The following CIRSR variants were observed in gnomAD, a reference collection of about 807,000 sequenced individuals.
CIRSR encodes the protein CBF1 (RBPJ) interacting corepressor 1.
the CIRSR span, among the ~76,000 whole-genome samples, chr2:174,353,537 G>A: frequency 5.9e-5 from 9 of 152,176 alleles, no homozygotes; most frequent in South Asian, 1.0e-3. Flanking sequence ...GCACGATCTC[G>A]GCTCACTGCA....
At chr2:174,349,733 C>CT in the CIRSR span, among the ~76,000 whole-genome samples, 3 of 152,040 alleles carry the variant, frequency 2.0e-5, no homozygotes, top group Non-Finnish European at 4.4e-5. Context: ...GTAATGACTA[C>CT]TTTTTTGTTA....
chr2:174,391,560 A>G, the CIRSR span, among the ~76,000 whole-genome samples: 1 of 152,182 alleles, frequency 6.6e-6, no homozygotes, highest in Non-Finnish European at 1.5e-5. Context: ...ACTGCACTCT[A>G]GCCTGGGCAA....
chr2:174,380,717 T>C, the CIRSR span: 3 of 1,612,086 alleles, frequency 1.9e-6, no homozygotes, highest in South Asian at 2.2e-5. Flanking sequence ...TTCTTCTTTC[T>C]AAAAACATTC....
the CIRSR span, among the ~76,000 whole-genome samples, chr2:174,373,053 G>A: frequency 1.3e-5 from 2 of 152,172 alleles, no homozygotes; most frequent in African/African-American, 4.8e-5. Context: ...TATAGTTTAA[G>A]CTGATGGTTC....
the CIRSR span, among the ~76,000 whole-genome samples, chr2:174,375,180 C>G: frequency 2.2e-4 from 33 of 152,168 alleles, no homozygotes. Flanking sequence ...TCTGCCTTAT[C>G]ACTTTTTTAA....
chr2:174,391,385 T>C, the CIRSR span, among the ~76,000 whole-genome samples: 1 of 151,966 alleles, frequency 6.6e-6, no homozygotes, highest in Non-Finnish European at 1.5e-5. Context: ...AAGTCAGGAG[T>C]CTGAGACCAG....
At chr2:174,362,686 C>CAAAAAAAAAA in the CIRSR span, among the ~76,000 whole-genome samples, 2 of 20,682 alleles carry the variant, frequency 9.7e-5, 1 homozygote, top group African/African-American at 2.1e-4. Context: ...GACTCTGCCT[C>CAAAAAAAAAA]AAAAAAAAAA....
chr2:174,376,932 C>T, the CIRSR span, among the ~76,000 whole-genome samples: 3 of 151,582 alleles, frequency 2.0e-5, no homozygotes, highest in Admixed American at 1.3e-4. Flanking sequence ...CTCTTAAAAA[C>T]AGGTTAACTA....
the CIRSR span, among the ~76,000 whole-genome samples, chr2:174,359,819 AT>A: frequency 1.3e-5 from 2 of 152,248 alleles, no homozygotes; most frequent in Admixed American, 6.5e-5. Flanking sequence ...GCAAATGTCC[AT>A]CAATGACAGA....
chr2:174,367,756 A>AG, the CIRSR span, among the ~76,000 whole-genome samples: 1 of 149,114 alleles, frequency 6.7e-6, no homozygotes, highest in African/African-American at 2.5e-5. Context: ...AAAAAAAAAA[A>AG]AAAAAAAAAG....
At chr2:174,357,791 A>T in the CIRSR span, among the ~76,000 whole-genome samples, 1 of 152,228 alleles carries the variant, frequency 6.6e-6, no homozygotes, top group Non-Finnish European at 1.5e-5. Context: ...AAAAAGACTT[A>T]AAAAAGGGGC....
chr2:174,369,163 A>G, the CIRSR span, among the ~76,000 whole-genome samples: 1 of 152,170 alleles, frequency 6.6e-6, no homozygotes, highest in South Asian at 2.1e-4. Flanking sequence ...TCTTAGCTAT[A>G]TTTTCTGGAG....
At chr2:174,377,184 C>A in the CIRSR span, among the ~76,000 whole-genome samples, 7 of 152,166 alleles carry the variant, frequency 4.6e-5, no homozygotes, top group South Asian at 1.5e-3. Context: ...AAGATGCAAC[C>A]CTTTCCAGAA....
the CIRSR span, among the ~76,000 whole-genome samples, chr2:174,349,435 C>T: frequency 1.1e-4 from 16 of 151,738 alleles, no homozygotes; most frequent in African/African-American, 3.9e-4. Context: ...CATGGTGGCA[C>T]CTGCCTGTAA....
At chr2:174,390,249 G>T in the CIRSR span, among the ~76,000 whole-genome samples, 1 of 152,244 alleles carries the variant, frequency 6.6e-6, no homozygotes, top group Admixed American at 6.5e-5. Flanking sequence ...AAGGCTTTGG[G>T]AGCCTACCTC....
chr2:174,378,810 A>C, the CIRSR span: 34 of 804,266 alleles, frequency 4.2e-5, no homozygotes, highest in East Asian at 6.9e-4. Flanking sequence ...AAACAAACAA[A>C]CAAGCCCCAC....
At chr2:174,363,372 C>T in the CIRSR span, among the ~76,000 whole-genome samples, 3 of 152,156 alleles carry the variant, frequency 2.0e-5, no homozygotes, top group Non-Finnish European at 2.9e-5. Context: ...AAAACAAGGA[C>T]ACTAGAGGAA....
the CIRSR span, among the ~76,000 whole-genome samples, chr2:174,392,170 G>C: frequency 1.3e-5 from 2 of 152,082 alleles, no homozygotes; most frequent in African/African-American, 4.8e-5. Flanking sequence ...GCTAATTTTT[G>C]TACTTTTAGT....
chr2:174,378,446 T>C, the CIRSR span, among the ~76,000 whole-genome samples: 31 of 152,184 alleles, frequency 2.0e-4, no homozygotes, highest in Non-Finnish European at 3.8e-4. Flanking sequence ...CCAAATTAGA[T>C]CAATTTTTCT....
Sources: allele counts gnomAD v4.1 joint callset (sites outside exome capture counted in the v4.1 genomes callset), GRCh38; gene constraint gnomAD v4.1.1; transcripts MANE v1.5; gene names NCBI Gene and HGNC (gene_info 2026-07-23, HGNC 2026-07-21).